EPC1: variants seen among roughly 807,000 people sequenced by gnomAD.
EPC1 encodes enhancer of polycomb 1.
EPC1 carries 12 observed loss-of-function variants against 98.4 expected under a neutral mutation model. The ratio of observed to expected loss-of-function variants is 0.12; its 90% CI spans 0.08 to 0.20. The LOEUF (loss-of-function observed/expected upper bound fraction) is 0.20. Ranked by LOEUF, EPC1 falls within the 10% of genes least tolerant of loss-of-function variation. EPC1 has a pLI of 1.00. For synonymous variants in EPC1, 357 were observed against 363.9 expected, an observed-to-expected ratio of 0.98 and a Z score of 0.21; for missense variants, 729 against 990.5, an observed-to-expected ratio of 0.74 and a Z score of 3.54.
rs1368239547 is a variant in EPC1 at position 32,285,113 on chromosome 10, GCTTTTT to G, written c.1392-69_1392-64del. The G allele has an allele frequency of 4.4e-6, 6 of 1,353,572 alleles. No individual in the cohort carries two copies. The East Asian group carries it at 1.5e-4, about 33-fold the overall frequency. The allele number at this position is 1,353,572 out of a possible 1,614,324, so 83.8% of individuals were successfully genotyped here. ...AGCTATTCAAAGATTATATATTAAA[GCTTTTT>G]CTTTTTACCCCCAACTGCCAAAAGG... is the stretch of plus-strand genomic sequence containing the variant. On this transcript the variant is annotated intron_variant, in intron 9 of 13. Coordinates refer to ENST00000319778, the MANE Select transcript of EPC1 (RefSeq NM_001272004.3).
At chr10:32,313,778 C>G (rs1285819603) in intron 1 of EPC1, among the ~76,000 whole-genome samples, 1 of 151,990 alleles carries the variant, frequency 6.6e-6, no homozygotes, top group Non-Finnish European at 1.5e-5. Context: ...CTCAGCTACT[C>G]TGAAGGCTAA....
rs1254807433 is a variant in EPC1 at position 32,345,277 on chromosome 10, TAC to T, written c.153+1484_153+1485del. The stretch of plus-strand genomic sequence containing the variant: ...CAACTAGACAATCTGAGCTACTACA[TAC>T]ACTTGGCTTATCTGTAAAGTTAGAT... On this transcript the variant is annotated intron_variant, in intron 1 of 13. Transcript: ENST00000319778. The T allele has an allele frequency of 7.1e-6, 7 of 985,328 alleles. No homozygotes were observed. In the African/African-American group the frequency reaches 1.0e-4, roughly 15 times the overall value. 61.0% of individuals were successfully genotyped at this position (985,328 alleles called of 1,614,324 possible).
At chr10:32,324,715 C>A (rs536760357) in intron 1 of EPC1, among the ~76,000 whole-genome samples, 1 of 152,006 alleles carries the variant, frequency 6.6e-6, no homozygotes, top group Non-Finnish European at 1.5e-5. Context: ...ACATTTTAGC[C>A]GGGCGCGGTG....
chr10:32,311,683 C>A (rs942729944), intron 1 of EPC1, among the ~76,000 whole-genome samples: 18 of 152,118 alleles, frequency 1.2e-4, no homozygotes, highest in Non-Finnish European at 5.9e-5. Flanking sequence ...ACTATTGAAC[C>A]CTGTGTATGC....
At chr10:32,364,179 A>G (rs1267517676) in intron 1 of EPC1, among the ~76,000 whole-genome samples, 3 of 149,354 alleles carry the variant, frequency 2.0e-5, no homozygotes, top group Non-Finnish European at 4.5e-5. Flanking sequence ...CACACCGGCT[A>G]ATTTTTGTAT....
chr10:32,346,778 C>T lies in EPC1; in HGVS notation c.138G>A (p.Glu46=), dbSNP rs769079603. The change falls in exon 1 of 14, where the codon GAG becomes GAA. Residue 46 remains glutamate (E), a synonymous_variant. Transcript: ENST00000319778. ...TAACACGTACCGACTCCTCTTCCTT[C>T]TCCATTCCGGTGGGCATCTGCGGCA... The part of the protein sequence containing the change: ...RAVPQMPTGM[E]KEEESEHHLQ... The T allele has an allele frequency of 6.2e-7, 1 of 1,614,100 alleles. No individual in the cohort carries two copies. Among genetic ancestry groups the T allele is most frequent in the South Asian group, 1.1e-5 (1 of 91,086 alleles).
At chr10:32,300,441 T>C (rs1835442612) in intron 2 of EPC1, among the ~76,000 whole-genome samples, 1 of 151,314 alleles carries the variant, frequency 6.6e-6, no homozygotes, top group African/African-American at 2.4e-5. Flanking sequence ...ACTCTTTTTT[T>C]TTTTTTTCCT....
chr10:32,294,369 T>C (rs1194623845), intron 2 of EPC1, among the ~76,000 whole-genome samples: 1 of 152,206 alleles, frequency 6.6e-6, no homozygotes, highest in African/African-American at 2.4e-5. Flanking sequence ...ACAAAATTCA[T>C]TTTTTTCACA....
chr10:32,371,457 A>T (rs552511302), intron 1 of EPC1, among the ~76,000 whole-genome samples: 1 of 152,332 alleles, frequency 6.6e-6, no homozygotes, highest in African/African-American at 2.4e-5. Context: ...ATGGACCTTG[A>T]TATTGAGCAA....
intron 1 of EPC1, among the ~76,000 whole-genome samples, chr10:32,330,426 T>C (rs1181105211): frequency 6.6e-6 from 1 of 152,202 alleles, no homozygotes; most frequent in Non-Finnish European, 1.5e-5. Flanking sequence ...CACACCCATT[T>C]GTTACAGCTA....
At chr10:32,309,712 G>A (rs1417210415) in intron 1 of EPC1, among the ~76,000 whole-genome samples, 3 of 148,038 alleles carry the variant, frequency 2.0e-5, no homozygotes, top group Non-Finnish European at 4.5e-5. Context: ...AATAAATAAA[G>A]AAGAAGAACA....
chr10:32,300,503 G>A (rs4749718), intron 2 of EPC1, among the ~76,000 whole-genome samples: 5,772 of 148,316 alleles, frequency 0.039, 171 homozygotes, highest in East Asian at 0.12. Context: ...GCGCGATCTC[G>A]GCTCACTGCA....
intron 1 of EPC1, among the ~76,000 whole-genome samples, chr10:32,330,376 C>A (rs1230793208): frequency 6.6e-6 from 1 of 152,202 alleles, no homozygotes; most frequent in Non-Finnish European, 1.5e-5. Context: ...ACTGGATTCA[C>A]GGTCAGTCTG....
At chr10:32,378,737 G>A (rs1209949266) in exon 1 of EPC1, 4 of 423,718 alleles carry the variant, frequency 9.4e-6, no homozygotes, top group African/African-American at 8.2e-5. Context: ...AAAAGCAGAG[G>A]AGGCAGCACA....
intron 1 of EPC1, among the ~76,000 whole-genome samples, chr10:32,364,670 G>A (rs764406000): frequency 6.6e-6 from 1 of 152,064 alleles, no homozygotes; most frequent in Non-Finnish European, 1.5e-5. Flanking sequence ...ATAGAAAATA[G>A]GGAATACATG....
chr10:32,271,576 A>T lies in EPC1; in HGVS notation c.2347T>A (p.Ser783Thr). 1 of 1,614,102 alleles carries T rather than the reference A, an allele frequency of 6.2e-7. No homozygotes were observed. The highest frequency in any genetic ancestry group is 8.5e-7 in the Non-Finnish European group (1 of 1,179,988). ...NCQVSKVPSS[S>T]SVDSVPRENH... ...CACCTTGGAACTGAATCTACAGAGG[A>T]TGAAGATGGGACCTTGGAAACTTGA... Residue 783 changes from serine (S) to threonine (T), a missense_variant, in exon 13 of 14, where the codon TCC becomes ACC. Coordinates refer to ENST00000319778, the MANE Select transcript of EPC1 (RefSeq NM_001272004.3).
intron 1 of EPC1, chr10:32,345,713 A>G (rs1838728714): frequency 3.8e-6 from 3 of 798,938 alleles, no homozygotes; most frequent in African/African-American, 1.9e-5. Flanking sequence ...TAAAATGTCT[A>G]TTAGTTGTCA....
intron 1 of EPC1, among the ~76,000 whole-genome samples, chr10:32,311,606 A>C (rs1047867522): frequency 6.6e-6 from 1 of 151,382 alleles, no homozygotes. Flanking sequence ...TCCCTCCCCA[A>C]GTACAGCAGT....
At chr10:32,288,203 T>C (rs77165999) in intron 6 of EPC1, among the ~76,000 whole-genome samples, 23,854 of 152,084 alleles carry the variant, frequency 0.16, 2,131 homozygotes, top group South Asian at 0.33. Context: ...TTTGACAGGA[T>C]AATCAAATCA....
Sources: allele counts gnomAD v4.1 joint callset (sites outside exome capture counted in the v4.1 genomes callset), GRCh38; gene constraint gnomAD v4.1.1; transcripts MANE v1.5; gene names NCBI Gene and HGNC (gene_info 2026-07-23, HGNC 2026-07-21).